The following GALNT13 variants were observed in gnomAD, a reference collection of about 807,000 sequenced individuals.
GALNT13 encodes polypeptide N-acetylgalactosaminyltransferase 13, also known as UDP-GalNAc:polypeptide N-acetylgalactosaminyltransferase 13.
GALNT13 carries 28 observed loss-of-function variants against 64.2 expected under a neutral mutation model. The ratio of observed to expected loss-of-function variants is 0.44; its 90% CI spans 0.32 to 0.60. The LOEUF (loss-of-function observed/expected upper bound fraction) is 0.60. GALNT13 is among the 20% of genes least tolerant of loss of function. The pLI, the probability that GALNT13 is intolerant of heterozygous loss-of-function variation, is 0.05. For missense variants in GALNT13, 577 were observed against 669.8 expected (o/e 0.86, Z 1.53); for synonymous variants, 214 against 224.6 (o/e 0.95, Z 0.42).
intron 3 of GALNT13, among the ~76,000 whole-genome samples, chr2:154,006,719 A>AGGTAAT (rs1696277537): frequency 1.3e-5 from 2 of 152,202 alleles, no homozygotes; most frequent in African/African-American, 4.8e-5. Context: ...GTCAATTTGC[A>AGGTAAT]CGTGAAAATT....
chr2:153,194,863 T>C, the GALNT13 span, among the ~76,000 whole-genome samples: 2 of 152,228 alleles, frequency 1.3e-5, no homozygotes, highest in Non-Finnish European at 2.9e-5. Context: ...GTGATGTCTG[T>C]GATTTCCTCA....
chr2:153,172,275 T>C, the GALNT13 span, among the ~76,000 whole-genome samples: 62 of 152,296 alleles, frequency 4.1e-4, 2 homozygotes, highest in East Asian at 0.012. Context: ...GGAGCCTTGG[T>C]GTAGCTCCTG....
chr2:153,891,820 A>T (rs1687573324), intron 1 of GALNT13, among the ~76,000 whole-genome samples: 2 of 149,328 alleles, frequency 1.3e-5, no homozygotes, highest in Non-Finnish European at 3.0e-5. Context: ...CTTCTTAGAG[A>T]TCTATTCCAA....
At chr2:154,073,966 G>A (rs1352079001) in intron 3 of GALNT13, among the ~76,000 whole-genome samples, 1 of 151,638 alleles carries the variant, frequency 6.6e-6, no homozygotes, top group Non-Finnish European at 1.5e-5. Flanking sequence ...TGAACAAAAT[G>A]CCATTTTTCT....
the GALNT13 span, among the ~76,000 whole-genome samples, chr2:153,613,976 C>T: frequency 1.1e-4 from 17 of 151,656 alleles, no homozygotes; most frequent in African/African-American, 3.6e-4. Context: ...GAAACCTGCA[C>T]GTTGTGCACA....
chr2:154,034,497 T>C (rs1698537281), intron 3 of GALNT13, among the ~76,000 whole-genome samples: 1 of 152,208 alleles, frequency 6.6e-6, no homozygotes, highest in Admixed American at 6.5e-5. Context: ...ATATATTGCA[T>C]AATGGTAAAG....
chr2:154,233,085 G>T (rs907475124), intron 4 of GALNT13, among the ~76,000 whole-genome samples: 5 of 150,372 alleles, frequency 3.3e-5, no homozygotes, highest in Non-Finnish European at 3.0e-5. Context: ...AAGTACAAAT[G>T]GTTCATAAGG....
chr2:154,050,375 G>A (rs1699530055), intron 3 of GALNT13, among the ~76,000 whole-genome samples: 1 of 152,152 alleles, frequency 6.6e-6, no homozygotes, highest in South Asian at 2.1e-4. Flanking sequence ...CAGACCCTGT[G>A]CTCTCATGCT....
intron 4 of GALNT13, among the ~76,000 whole-genome samples, chr2:154,148,034 C>T (rs184009431): frequency 1.4e-4 from 21 of 152,080 alleles, no homozygotes; most frequent in Non-Finnish European, 2.2e-4. Context: ...CGTCATTTAA[C>T]GTTAGGTATA....
At chr2:154,269,805 A>G (rs1264554710) in intron 8 of GALNT13, among the ~76,000 whole-genome samples, 1 of 149,030 alleles carries the variant, frequency 6.7e-6, no homozygotes, top group Non-Finnish European at 1.5e-5. Flanking sequence ...CATTCAAAGA[A>G]GGGCTTTTTA....
chr2:153,229,405 A>G, the GALNT13 span, among the ~76,000 whole-genome samples: 1 of 152,240 alleles, frequency 6.6e-6, no homozygotes, highest in South Asian at 2.1e-4. Context: ...GTCCATATTT[A>G]TTAACCTTCT....
At chr2:154,426,408 T>A (rs868089633) in intron 11 of GALNT13, among the ~76,000 whole-genome samples, 1 of 152,150 alleles carries the variant, frequency 6.6e-6, no homozygotes, top group African/African-American at 2.4e-5. Flanking sequence ...GACTGTCCTG[T>A]CATGGTCACA....
the GALNT13 span, among the ~76,000 whole-genome samples, chr2:153,222,971 G>T: frequency 2.0e-5 from 3 of 152,194 alleles, no homozygotes; most frequent in Non-Finnish European, 4.4e-5. Flanking sequence ...CCCCTGACTC[G>T]GTGAGGGGGG....
intron 12 of GALNT13, among the ~76,000 whole-genome samples, chr2:154,446,165 A>C (rs1701563208): frequency 6.6e-6 from 1 of 152,086 alleles, no homozygotes; most frequent in South Asian, 2.1e-4. Flanking sequence ...ATTTAATTTT[A>C]GGGTGAAAGA....
intron 4 of GALNT13, among the ~76,000 whole-genome samples, chr2:154,193,413 G>T (rs989902182): frequency 4.6e-5 from 7 of 152,138 alleles, no homozygotes; most frequent in African/African-American, 1.7e-4. Context: ...ATCTCTCCTT[G>T]GGGGGCAGTA....
chr2:153,418,532 A>G, the GALNT13 span, among the ~76,000 whole-genome samples: 2 of 152,320 alleles, frequency 1.3e-5, no homozygotes, highest in Middle Eastern at 6.8e-3. Context: ...AAGGAAGTAG[A>G]ATAATGGTCA....
chr2:153,356,905 C>A, the GALNT13 span, among the ~76,000 whole-genome samples: 1 of 149,312 alleles, frequency 6.7e-6, no homozygotes, highest in African/African-American at 2.5e-5. Context: ...TCACCCCATT[C>A]TCCTGCCTCA....
intron 9 of GALNT13, among the ~76,000 whole-genome samples, chr2:154,375,132 C>T (rs1273339364): frequency 6.6e-6 from 1 of 152,028 alleles, no homozygotes; most frequent in Non-Finnish European, 1.5e-5. Context: ...GGACTACAGG[C>T]GCCCGCCACC....
chr2:154,172,276 G>C (rs1018723396), intron 4 of GALNT13, among the ~76,000 whole-genome samples: 1 of 151,740 alleles, frequency 6.6e-6, no homozygotes, highest in African/African-American at 2.4e-5. Flanking sequence ...TTTTATGTTT[G>C]TCTTTTCTTT....
Sources: allele counts gnomAD v4.1 joint callset (sites outside exome capture counted in the v4.1 genomes callset), GRCh38; gene constraint gnomAD v4.1.1; transcripts MANE v1.5; gene names NCBI Gene and HGNC (gene_info 2026-07-23, HGNC 2026-07-21).